The following DCBLD2 variants were observed in gnomAD, a reference collection of about 807,000 sequenced individuals.
DCBLD2 encodes the protein discoidin, CUB and LCCL domain-containing protein 2.
A neutral mutation model predicts 86.8 loss-of-function variants in DCBLD2; 54 were observed. The observed-to-expected ratio is 0.62, with a 90% CI of 0.50 to 0.78. The LOEUF (loss-of-function observed/expected upper bound fraction) is 0.78, where lower values mean the gene tolerates loss of function less well. Ranked by LOEUF, DCBLD2 falls within the 30% of genes least tolerant of loss-of-function variation. The pLI is 0.00. For missense variants in DCBLD2, 908 were observed against 954.2 expected, an observed-to-expected ratio of 0.95 and a Z score of 0.64; for synonymous variants, 354 against 341.3, an observed-to-expected ratio of 1.04 and a Z score of -0.41.
rs764618509 is a variant in DCBLD2 at position 98,799,449 on chromosome 3, G to A, written c.2251C>T (p.Gln751Ter). Residue 751 changes from glutamine to a stop codon, truncating the protein, a stop_gained, in exon 16 of 16, where the codon CAG becomes TAG. Coordinates refer to ENST00000326840, the MANE Select transcript of DCBLD2 (RefSeq NM_080927.4). LOFTEE classifies it high-confidence loss of function. Reference protein sequence around the residue: ...GLPAPDELVYQVPQSTQEVSG... With the variant: ...GLPAPDELVY ...ACTTCTTGTGTGCTCTGTGGCACCT[G>A]GTACACCAATTCGTCTGGGGCAGGT... 4 of 1,613,986 alleles carry A rather than the reference G, an allele frequency of 2.5e-6. No homozygotes were observed. The South Asian group carries it at 4.4e-5, about 18-fold the overall frequency.
At chr3:98,850,682 C>T (rs927472255) in intron 2 of DCBLD2, among the ~76,000 whole-genome samples, 1 of 152,046 alleles carries the variant, frequency 6.6e-6, no homozygotes, top group African/African-American at 2.4e-5. Flanking sequence ...TGTGGACCTC[C>T]AAGGATATCA....
rs560296162 is a variant in DCBLD2, at chr3:98,886,775, C to T, written c.206-5008G>A. ...AAGGTCAGATGTGTTAAGCCAGATA[C>T]AAATTTTGATATTATTACAGGAAAA... is the stretch of plus-strand genomic sequence containing the variant. On this transcript the variant is annotated intron_variant, in intron 1 of 15. Coordinates refer to ENST00000326840, the MANE Select transcript of DCBLD2 (RefSeq NM_080927.4). 6.3e-5 allele frequency among the ~76,000 whole-genome samples: 9 copies of T among 142,644 alleles called. No homozygotes were observed. In the South Asian group the frequency reaches 2.1e-3, roughly 33 times the overall value. 93.6% of individuals were successfully genotyped at this position (142,644 alleles called of 152,430 possible). A position where few individuals can be genotyped will look rare whatever the true frequency, so the allele number is the denominator to read the frequency against.
chr3:98,894,227 C>T (rs997460714), intron 1 of DCBLD2, among the ~76,000 whole-genome samples: 2 of 152,150 alleles, frequency 1.3e-5, no homozygotes, highest in African/African-American at 4.8e-5. Flanking sequence ...GTCTGCCCCT[C>T]AATGGGAAGT....
At chr3:98,888,084 T>C (rs1280107528) in intron 1 of DCBLD2, among the ~76,000 whole-genome samples, 2 of 152,054 alleles carry the variant, frequency 1.3e-5, no homozygotes, top group Non-Finnish European at 2.9e-5. Flanking sequence ...ACATAGTTGG[T>C]AGCCTTTTCG....
rs1046843257 is a variant in DCBLD2 at position 98,809,598 on chromosome 3, G to A, written c.1577-1424C>T. Among the ~76,000 whole-genome samples the A allele has an allele frequency of 4.6e-5, 7 of 152,204 alleles. No homozygotes were observed. The East Asian group carries it at 9.7e-4, about 21-fold the overall frequency. ...CCTACTTTCTCTGTGAAGTTGGAGCGGTAACTGAGAGTGGGTGAAGATATC... is the reference window on the plus strand; with the variant it reads ...CCTACTTTCTCTGTGAAGTTGGAGCAGTAACTGAGAGTGGGTGAAGATATC... On this transcript the variant is annotated intron_variant, in intron 12 of 15. Transcript: ENST00000326840.
chr3:98,882,826 G>T (rs1943495837), intron 1 of DCBLD2, among the ~76,000 whole-genome samples: 1 of 152,214 alleles, frequency 6.6e-6, no homozygotes, highest in South Asian at 2.1e-4. Flanking sequence ...TATTACTGAT[G>T]AACACTTGGG....
chr3:98,860,940 A>C (rs1390819457), intron 2 of DCBLD2, among the ~76,000 whole-genome samples: 2 of 152,220 alleles, frequency 1.3e-5, no homozygotes, highest in African/African-American at 4.8e-5. Flanking sequence ...AAATTGGATA[A>C]AGAGTCGAGA....
At chr3:98,802,817 A>C (rs1576153416) in intron 13 of DCBLD2, among the ~76,000 whole-genome samples, 1 of 152,246 alleles carries the variant, frequency 6.6e-6, no homozygotes, top group Non-Finnish European at 1.5e-5. Flanking sequence ...TCCTTTCCCC[A>C]GTTCTTGTTT....
At chr3:98,890,250 T>A (rs550216015) in intron 1 of DCBLD2, 1 of 152,120 alleles carries the variant, frequency 6.6e-6, no homozygotes, top group Admixed American at 6.6e-5. Context: ...AACTGGTGTT[T>A]TCTAAGAGGA....
chr3:98,834,464 C>A (rs1333499475), intron 3 of DCBLD2, among the ~76,000 whole-genome samples: 2 of 151,956 alleles, frequency 1.3e-5, no homozygotes, highest in African/African-American at 2.4e-5. Flanking sequence ...CACCTCCTCC[C>A]CTTTCAGCCT....
Position 98,799,837 on chromosome 3 carries a change from A to G in DCBLD2, c.1863T>C (p.Tyr621=), listed in dbSNP as rs1454239183. ...TTVLQADSAE[Y]AQPLVGGIVG... is the part of the protein sequence containing the mutation. ...CAATTCCTCCTACCAGTGGCTGAGC[A>G]TACTCTGTGGATATCACAAAACAAC... The change falls in exon 16 of 16, where the codon TAT becomes TAC. Residue 621 remains tyrosine (Y), a synonymous_variant. Coordinates refer to ENST00000326840, the MANE Select transcript of DCBLD2 (RefSeq NM_080927.4). 2 of 1,608,476 alleles carry G rather than the reference A, an allele frequency of 1.2e-6. No homozygotes were observed. Among genetic ancestry groups the G allele is most frequent in the East Asian group, 4.5e-5 (2 of 44,790 alleles).
intron 3 of DCBLD2, among the ~76,000 whole-genome samples, chr3:98,842,739 T>A (rs1433290413): frequency 2.6e-5 from 4 of 152,364 alleles, no homozygotes; most frequent in African/African-American, 9.6e-5. Flanking sequence ...CGCTATAAGC[T>A]ACACATGGTT....
At position 98,881,745 on chromosome 3, in the gene DCBLD2, T is replaced by C. The variant is rs1368758951; in HGVS notation, c.228A>G (p.Val76=). The C allele has an allele frequency of 1.9e-6, 3 of 1,613,806 alleles. No individual in the cohort carries two copies. The highest frequency in any genetic ancestry group is 2.5e-6 in the Non-Finnish European group (3 of 1,179,746). Residue 76 remains valine, a synonymous_variant, in exon 2 of 16, where the codon GTA becomes GTG. Coordinates refer to ENST00000326840, the MANE Select transcript of DCBLD2 (RefSeq NM_080927.4). ...TAAGGGTTCCACTCTCAGGGCCTAG[T>C]ACAGTGTGTCCACATCCATCACCTT... The part of the protein sequence containing the change: ...AQQGDGCGHT[V]LGPESGTLTS...
intron 1 of DCBLD2, among the ~76,000 whole-genome samples, chr3:98,882,250 T>A (rs1046148423): frequency 6.6e-6 from 1 of 152,078 alleles, no homozygotes; most frequent in Non-Finnish European, 1.5e-5. Context: ...TAAAAGTAAA[T>A]ATAAATTAGT....
rs1943856008 is a variant in DCBLD2 at position 98,901,657 on chromosome 3, G to A, written c.-331C>T. Reference sequence around the variant, plus strand: ...CTCCTCACCAGGGTCGCCGCTCGCCGCGCTCACCCGCGGCTCCGGCTAGCT... The same window carrying A: ...CTCCTCACCAGGGTCGCCGCTCGCCACGCTCACCCGCGGCTCCGGCTAGCT... On this transcript the variant is annotated 5_prime_UTR_variant, in exon 1 of 16. Coordinates refer to ENST00000326840, the MANE Select transcript of DCBLD2 (RefSeq NM_080927.4). 2 of 194,652 alleles carry A rather than the reference G, an allele frequency of 1.0e-5. No individual in the cohort carries two copies. The highest frequency in any genetic ancestry group is 1.0e-5 in the Non-Finnish European group (1 of 96,180). The allele number at this position is 194,652 out of a possible 1,614,324, so 12.1% of individuals were successfully genotyped here.
intron 3 of DCBLD2, among the ~76,000 whole-genome samples, chr3:98,839,216 C>T (rs1454943054): frequency 6.0e-5 from 7 of 116,330 alleles, no homozygotes; most frequent in South Asian, 5.7e-4. Flanking sequence ...TCTTTCTTTC[C>T]TTCTTTCCTT....
chr3:98,886,801 C>CCG lies in DCBLD2; in HGVS notation c.206-5035_206-5034insCG, dbSNP rs1553734161. Reference sequence around the variant, plus strand: ...AAATTTTGATATTATTACAGGAAAACCCCCCCCCTTTTTTTTTTTTTTTTA... The same window carrying CCG: ...AAATTTTGATATTATTACAGGAAAACCGCCCCCCCCTTTTTTTTTTTTTTTTA... On this transcript the variant is annotated intron_variant, in intron 1 of 15. Coordinates refer to ENST00000326840, the MANE Select transcript of DCBLD2 (RefSeq NM_080927.4). Among the ~76,000 whole-genome samples, 10 of 100,442 alleles carry CCG rather than the reference C, an allele frequency of 1.0e-4. No individual in the cohort carries two copies. In the South Asian group the frequency reaches 1.1e-3, roughly 11 times the overall value. The allele number at this position is 100,442 out of a possible 152,430, so 65.9% of individuals were successfully genotyped here.
In DCBLD2 at chr3:98,881,762, C is replaced by G; in HGVS notation, c.211G>C (p.Gly71Arg). 6.3e-7 allele frequency: 1 copy of G among 1,592,542 alleles called. No homozygotes were observed. The highest frequency in any genetic ancestry group is 8.6e-7 in the Non-Finnish European group (1 of 1,165,800). The change falls in exon 2 of 16, where the codon GGA (glycine) becomes CGA (arginine). Residue 71 changes from glycine (G) to arginine (R), a missense_variant. Around this residue, in one of 3 missense-constraint regions of DCBLD2, gnomAD observed 294 missense variants for 256.0 expected, o/e 1.15. Coordinates refer to ENST00000326840, the MANE Select transcript of DCBLD2 (RefSeq NM_080927.4). ...GGGCCTAGTACAGTGTGTCCACATC[C>G]ATCACCTTTAAAAAAAGTGAAAAGA... Reference protein sequence around the residue: ...LEDAGAQQGDGCGHTVLGPES... With the variant: ...LEDAGAQQGDRCGHTVLGPES...
At position 98,835,941 on chromosome 3, in the gene DCBLD2, T is replaced by TCTTTC. The variant is rs1553726363; in HGVS notation, c.572-10576_572-10575insGAAAG. Among the ~76,000 whole-genome samples, 903 of 135,650 alleles carry TCTTTC rather than the reference T, an allele frequency of 6.7e-3. 20 individuals carry two copies. The highest frequency in any genetic ancestry group is 0.023 in the African/African-American group (846 of 36,258). The allele number at this position is 135,650 out of a possible 152,430, so 89.0% of individuals were successfully genotyped here. On this transcript the variant is annotated intron_variant, in intron 3 of 15. Transcript: ENST00000326840. ...TTCTTTCTTCCTTCCTTTCTTTCTTTTTTTTTTTTTTTAAGATTTTTAAAT... is the reference window on the plus strand; with the variant it reads ...TTCTTTCTTCCTTCCTTTCTTTCTTTCTTTCTTTTTTTTTTTTAAGATTTTTAAAT...
Sources: gnomAD v4.1 joint callset for allele counts (sites outside exome capture counted in the v4.1 genomes callset) on GRCh38, gnomAD v4.1.1 for gene constraint, gnomAD v4.1.1 regional missense constraint, MANE v1.5 for transcripts, NCBI Gene and HGNC (gene_info 2026-07-23, HGNC 2026-07-21) for gene names.